The following PDE4D variants were observed in gnomAD, a reference collection of about 807,000 sequenced individuals.
The protein encoded by PDE4D is 3',5'-cyclic-AMP phosphodiesterase 4D.
Under a neutral mutation model 87.4 loss-of-function variants are expected in PDE4D, and 24 were observed. The ratio of observed to expected loss-of-function variants is 0.27; its 90% CI spans 0.20 to 0.39. The LOEUF (loss-of-function observed/expected upper bound fraction) is 0.39. PDE4D is among the 10% of genes least tolerant of loss of function. The pLI is 1.00. For synonymous variants in PDE4D, 384 were observed against 383.2 expected, an observed-to-expected ratio of 1.00 and a Z score of -0.02; for missense variants, 714 against 1,041.0, an observed-to-expected ratio of 0.69 and a Z score of 4.32.
chr5:59,658,823 CGTGT>C (rs141771220), intron 1 of PDE4D, among the ~76,000 whole-genome samples: 1 of 150,372 alleles, frequency 6.7e-6, no homozygotes, highest in Non-Finnish European at 1.5e-5. Flanking sequence ...TGTGAGTGTT[CGTGT>C]GTGTGTGTGT....
At chr5:59,282,465 A>AC (rs1467731882) in intron 1 of PDE4D, among the ~76,000 whole-genome samples, 2 of 151,902 alleles carry the variant, frequency 1.3e-5, no homozygotes, top group African/African-American at 2.4e-5. Context: ...ACATGGTGAA[A>AC]CCCCGTCTCT....
intron 1 of PDE4D, among the ~76,000 whole-genome samples, chr5:59,482,767 C>T (rs765942501): frequency 2.0e-5 from 3 of 152,060 alleles, no homozygotes; most frequent in East Asian, 3.9e-4. Context: ...CCTTCTTATG[C>T]TCCTCTCTAA....
At chr5:60,460,560 T>C in intron 1 of PDE4D, 1 of 1,343,236 alleles carries the variant, frequency 7.4e-7, no homozygotes, top group Non-Finnish European at 1.1e-6. Flanking sequence ...CACTGGCTTC[T>C]TCATTAAGTC....
intron 3 of PDE4D, among the ~76,000 whole-genome samples, chr5:59,974,152 T>C (rs1761066171): frequency 6.6e-6 from 1 of 152,206 alleles, no homozygotes; most frequent in East Asian, 1.9e-4. Context: ...GAATTCAATT[T>C]TATTCTTTAT....
chr5:59,161,370 G>T (rs1229758532), intron 5 of PDE4D, among the ~76,000 whole-genome samples: 2 of 152,142 alleles, frequency 1.3e-5, no homozygotes, highest in African/African-American at 4.8e-5. Context: ...CTCAAAGTTG[G>T]GGGAGGGCTT....
intron 2 of PDE4D, among the ~76,000 whole-genome samples, chr5:60,054,009 G>A (rs994093902): frequency 6.6e-6 from 1 of 152,148 alleles, no homozygotes; most frequent in African/African-American, 2.4e-5. Flanking sequence ...CAGTTAGAAT[G>A]GTGATAATTA....
chr5:59,160,731 C>T (rs1439226361), intron 5 of PDE4D, among the ~76,000 whole-genome samples: 1 of 152,144 alleles, frequency 6.6e-6, no homozygotes, highest in African/African-American at 2.4e-5. Context: ...TAATTATATC[C>T]TTCAATGGAA....
intron 3 of PDE4D, among the ~76,000 whole-genome samples, chr5:59,983,879 T>C (rs1263572067): frequency 6.6e-6 from 1 of 152,214 alleles, no homozygotes; most frequent in African/African-American, 2.4e-5. Context: ...AGTGCATATA[T>C]TCACAAAAAG....
rs145373386 is a variant in PDE4D at position 59,787,621 on chromosome 5, G to T, written c.455+105547C>A. On this transcript the variant is annotated intron_variant, in intron 1 of 14. Transcript: ENST00000340635. ...GATAAATGGATGGAATTAGATCATT[G>T]AACTATACCTAAAAGCTCTTATAAT... 6.5e-3 allele frequency among the ~76,000 whole-genome samples: 994 copies of T among 152,258 alleles called. 9 individuals carry two copies. Among genetic ancestry groups the T allele is most frequent in the African/African-American group, 0.023 (951 of 41,550 alleles).
In PDE4D at chr5:59,355,925, G is replaced by A. The variant is rs1192658075; in HGVS notation, c.456-139957C>T. Among the ~76,000 whole-genome samples the A allele has an allele frequency of 2.6e-5, 4 of 152,250 alleles. No homozygotes were observed. The East Asian group carries it at 7.7e-4, about 29-fold the overall frequency. On this transcript the variant is annotated intron_variant, in intron 1 of 14. Transcript: ENST00000340635. The stretch of plus-strand genomic sequence containing the variant: ...TACATAGGCTTGGCAGCTTCCAGAT[G>A]TGCTGCATTTGGTCTAAATAAGAAA...
intron 1 of PDE4D, among the ~76,000 whole-genome samples, chr5:59,394,512 T>C (rs1788933033): frequency 6.6e-6 from 1 of 152,176 alleles, no homozygotes; most frequent in Non-Finnish European, 1.5e-5. Flanking sequence ...TTAGTATCAA[T>C]TCCCTTAGTG....
chr5:59,453,764 T>C (rs1383865638), intron 1 of PDE4D, among the ~76,000 whole-genome samples: 1 of 152,170 alleles, frequency 6.6e-6, no homozygotes, highest in East Asian at 1.9e-4. Context: ...AAATGCAAAG[T>C]GAAGCAGCAA....
In PDE4D at chr5:59,893,465, G is replaced by T. The variant is rs1751279187; in HGVS notation, c.158C>A (p.Pro53His). The T allele has an allele frequency of 6.5e-7, 1 of 1,532,762 alleles. No homozygotes were observed. The highest frequency in any genetic ancestry group is 8.8e-7 in the Non-Finnish European group (1 of 1,138,474). The allele number at this position is 1,532,762 out of a possible 1,614,324, so 94.9% of individuals were successfully genotyped here. Reference protein sequence around the residue: ...LRQPQFRLLHPHHHLPPPPPP... With the variant: ...LRQPQFRLLHHHHHLPPPPPP... Reference sequence around the variant, plus strand: ...CGGCGGCGGGGGCAGGTGGTGATGGGGATGCAGGAGGCGGAACTGGGGCTG... The same window carrying T: ...CGGCGGCGGGGGCAGGTGGTGATGGTGATGCAGGAGGCGGAACTGGGGCTG... The change falls in exon 1 of 15, where the codon CCC becomes CAC. Residue 53 changes from proline to histidine, a missense_variant. Transcript: ENST00000340635.
At chr5:59,668,898 AAG>A (rs1746664355) in intron 1 of PDE4D, among the ~76,000 whole-genome samples, 2 of 78,070 alleles carry the variant, frequency 2.6e-5, no homozygotes, top group African/African-American at 5.5e-5. Flanking sequence ...GAAGAAGAAG[AAG>A]AAGAAGAAGA....
Position 60,367,167 on chromosome 5 carries a change from G to A in PDE4D, c.-90+120775C>T, listed in dbSNP as rs536575566. On this transcript the variant is annotated intron_variant, in intron 1 of 16. Coordinates refer to the PDE4D transcript ENST00000502484. ...TTTTTGTCAATAAAATTTCTACAAC[G>A]GCCAGGCATGGTGGCTCATGCCTGT... Among the ~76,000 whole-genome samples, 221 of 152,136 alleles carry A rather than the reference G, an allele frequency of 1.5e-3. 2 individuals are homozygous for A. The highest frequency in any genetic ancestry group is 5.0e-3 in the African/African-American group (208 of 41,512).
intron 1 of PDE4D, among the ~76,000 whole-genome samples, chr5:59,526,530 T>C (rs1813166056): frequency 6.6e-6 from 1 of 152,244 alleles, no homozygotes; most frequent in Admixed American, 6.5e-5. Context: ...CAACAATTAC[T>C]GTTTCAGGAG....
chr5:59,188,730 G>A (rs1301978397), intron 3 of PDE4D, among the ~76,000 whole-genome samples: 1 of 152,122 alleles, frequency 6.6e-6, no homozygotes, highest in East Asian at 1.9e-4. Flanking sequence ...GAAAAAGCTG[G>A]AGTCAAGTTA....
At chr5:59,472,776 GA>G (rs1802647613) in intron 1 of PDE4D, among the ~76,000 whole-genome samples, 1 of 151,992 alleles carries the variant, frequency 6.6e-6, no homozygotes, top group Non-Finnish European at 1.5e-5. Context: ...CCTAATTAAA[GA>G]GCTAATATTT....
intron 1 of PDE4D, among the ~76,000 whole-genome samples, chr5:59,703,174 A>G (rs1275028125): frequency 6.6e-6 from 1 of 152,174 alleles, no homozygotes; most frequent in Non-Finnish European, 1.5e-5. Flanking sequence ...ATAACTTTAG[A>G]ATAATCACTT....
Sources: allele counts gnomAD v4.1 joint callset (sites outside exome capture counted in the v4.1 genomes callset), GRCh38; gene constraint gnomAD v4.1.1; transcripts MANE v1.5; gene names NCBI Gene and HGNC (gene_info 2026-07-23, HGNC 2026-07-21).